Variants in INPP4B observed in about 807,000 individuals in gnomAD.
INPP4B encodes inositol polyphosphate 4-phosphatase type II.
A neutral mutation model predicts 122.5 loss-of-function variants in INPP4B; 55 were observed. The ratio of observed to expected loss-of-function variants is 0.45; its 90% CI spans 0.36 to 0.56. INPP4B has a LOEUF of 0.56. Among genes scored for constraint, INPP4B ranks in the 20% least tolerant of loss-of-function variants. INPP4B has a pLI of 0.00. For synonymous variants in INPP4B, 403 were observed against 388.7 expected (o/e 1.04, Z -0.43); for missense variants, 1,000 against 1,097.7 (o/e 0.91, Z 1.26).
intron 2 of INPP4B, among the ~76,000 whole-genome samples, chr4:142,591,801 C>T (rs752052857): frequency 6.0e-4 from 92 of 152,140 alleles, no homozygotes; most frequent in Non-Finnish European, 1.0e-3. Flanking sequence ...GCAAAAAGTC[C>T]CAGACAAATT....
rs576069395 is a variant in INPP4B at position 142,347,312 on chromosome 4, AAC to A, written c.373-32552_373-32551del. The A allele has an allele frequency of 5.9e-4, 112 of 189,480 alleles. 1 individual carries two copies. The highest frequency in any genetic ancestry group is 2.6e-3 in the African/African-American group (110 of 41,934). 11.7% of individuals were successfully genotyped at this position (189,480 alleles called of 1,614,324 possible). On this transcript the variant is annotated intron_variant, in intron 7 of 25. Coordinates refer to ENST00000262992, the MANE Select transcript of INPP4B (RefSeq NM_001101669.3). ...CTTCAACCAACCTCTTAATAGGGAT[AAC>A]ATAAAAAAAGTCTGAGGAGTGAGTT...
intron 11 of INPP4B, among the ~76,000 whole-genome samples, chr4:142,245,776 AT>A (rs1470694725): frequency 1.4e-5 from 2 of 140,948 alleles, no homozygotes; most frequent in Admixed American, 1.4e-4. Context: ...ATGTGTGTAT[AT>A]ATATATGTGT....
chr4:142,621,454 C>T (rs547785994), intron 2 of INPP4B, among the ~76,000 whole-genome samples: 2 of 151,962 alleles, frequency 1.3e-5, no homozygotes, highest in East Asian at 3.9e-4. Context: ...TCAATTATAT[C>T]TAGCCCAGAT....
At position 142,429,217 on chromosome 4, in the gene INPP4B, C is replaced by T. The variant is rs532595147; in HGVS notation, c.92G>A (p.Ser31Asn). Reference protein sequence around the residue: ...ANDPGDCQFTSIQKTPNEPQL... With the variant: ...ANDPGDCQFTNIQKTPNEPQL... ...CGGTTCATTTGGAGTCTTCTGGATA[C>T]CTATAAATAATAGGAGCAAATTCAG... is the stretch of plus-strand genomic sequence containing the variant. The change falls in exon 5 of 26, where the codon AGT becomes AAT. Residue 31 changes from serine (S) to asparagine (N), a missense_variant and splice_region_variant. By Grantham distance (46) the Ser-to-Asn change is conservative. Transcript: ENST00000262992. 4 of 1,540,684 alleles carry T rather than the reference C, an allele frequency of 2.6e-6. No homozygotes were observed. The highest frequency in any genetic ancestry group is 3.5e-5 in the Admixed American group (2 of 57,296).
At chr4:142,777,698 C>T (rs796316960) in intron 1 of INPP4B, among the ~76,000 whole-genome samples, 1 of 152,196 alleles carries the variant, frequency 6.6e-6, no homozygotes, top group African/African-American at 2.4e-5. Flanking sequence ...ACTACTTACA[C>T]AATCATACGA....
At chr4:142,573,538 C>T (rs1733268733) in intron 2 of INPP4B, among the ~76,000 whole-genome samples, 1 of 152,118 alleles carries the variant, frequency 6.6e-6, no homozygotes, top group Non-Finnish European at 1.5e-5. Context: ...TAAGTGATCT[C>T]TATTGCCTGT....
chr4:142,712,133 G>A (rs1347325164), intron 2 of INPP4B, among the ~76,000 whole-genome samples: 2 of 152,162 alleles, frequency 1.3e-5, no homozygotes, highest in East Asian at 3.9e-4. Context: ...GACGTAGCAA[G>A]GGAGTGCTAG....
chr4:142,410,488 C>T (rs749333444), intron 5 of INPP4B, among the ~76,000 whole-genome samples: 17 of 152,144 alleles, frequency 1.1e-4, no homozygotes, highest in African/African-American at 4.1e-4. Flanking sequence ...GCCACAGGTG[C>T]GTGGGAATCA....
intron 18 of INPP4B, among the ~76,000 whole-genome samples, chr4:142,136,479 A>T (rs1298628409): frequency 6.6e-6 from 1 of 152,256 alleles, no homozygotes; most frequent in African/African-American, 2.4e-5. Flanking sequence ...TCTCACACTC[A>T]CAGCCTTAGC....
chr4:142,400,191 A>T (rs970274986), intron 7 of INPP4B, among the ~76,000 whole-genome samples: 1 of 152,210 alleles, frequency 6.6e-6, no homozygotes, highest in African/African-American at 2.4e-5. Flanking sequence ...TTCACCGGTT[A>T]TCTCCAAGTA....
intron 22 of INPP4B, among the ~76,000 whole-genome samples, chr4:142,109,761 G>A (rs1342145982): frequency 6.6e-6 from 1 of 152,084 alleles, no homozygotes; most frequent in Non-Finnish European, 1.5e-5. Context: ...TATTGCATGA[G>A]CCGAACTGTA....
chr4:142,070,009 C>T (rs1484929931), intron 25 of INPP4B, among the ~76,000 whole-genome samples: 1 of 152,120 alleles, frequency 6.6e-6, no homozygotes, highest in Non-Finnish European at 1.5e-5. Flanking sequence ...ATCTTCATAC[C>T]AAAGCCTGGC....
chr4:142,558,793 TAA>T (rs34151070), intron 2 of INPP4B, among the ~76,000 whole-genome samples: 3,289 of 74,998 alleles, frequency 0.044, 38 homozygotes, highest in African/African-American at 0.065. Context: ...AGACTCCCTC[TAA>T]AAAAAAAAAA....
At chr4:142,055,647 A>AC (rs11386792) in intron 25 of INPP4B, among the ~76,000 whole-genome samples, 1 of 151,708 alleles carries the variant, frequency 6.6e-6, no homozygotes, top group Non-Finnish European at 1.5e-5. Flanking sequence ...AGTGTTTTAA[A>AC]AGCATTTGTT....
chr4:142,404,826 A>G (rs1304428104), intron 6 of INPP4B, among the ~76,000 whole-genome samples: 1 of 151,834 alleles, frequency 6.6e-6, no homozygotes, highest in Non-Finnish European at 1.5e-5. Context: ...CAAAATAAAT[A>G]TTTATTTCAA....
At chr4:142,729,430 A>G (rs1267988671) in intron 1 of INPP4B, among the ~76,000 whole-genome samples, 1 of 152,182 alleles carries the variant, frequency 6.6e-6, no homozygotes, top group Non-Finnish European at 1.5e-5. Context: ...ATGGAAAGGA[A>G]TTTGTTGGTC....
At chr4:142,435,894 G>C (rs73850871) in intron 3 of INPP4B, among the ~76,000 whole-genome samples, 2 of 151,948 alleles carry the variant, frequency 1.3e-5, no homozygotes, top group Admixed American at 6.5e-5. Context: ...CCAGGTTTCT[G>C]GGGGGAGGGG....
At chr4:142,405,564 T>C (rs1803137800) in intron 5 of INPP4B, among the ~76,000 whole-genome samples, 1 of 152,126 alleles carries the variant, frequency 6.6e-6, no homozygotes, top group African/African-American at 2.4e-5. Context: ...AAGTCTTTAC[T>C]GGTCTGAGAT....
At chr4:142,443,533 A>G (rs1279440015) in intron 3 of INPP4B, among the ~76,000 whole-genome samples, 1 of 152,164 alleles carries the variant, frequency 6.6e-6, no homozygotes, top group Non-Finnish European at 1.5e-5. Flanking sequence ...TGATCGGATC[A>G]CTGAGAAAGT....
Sources: gnomAD v4.1 joint callset for allele counts (sites outside exome capture counted in the v4.1 genomes callset) on GRCh38, gnomAD v4.1.1 for gene constraint, MANE v1.5 for transcripts, NCBI Gene and HGNC (gene_info 2026-07-23, HGNC 2026-07-21) for gene names.